CSMD1: variants seen among roughly 807,000 people sequenced by gnomAD.
The protein encoded by CSMD1 is CUB and Sushi multiple domains 1, also known as CUB and sushi domain-containing protein 1.
Under a neutral mutation model 417.5 loss-of-function variants are expected in CSMD1, and 213 were observed. That is an observed-to-expected ratio of 0.51 (90% CI 0.46 to 0.57). The LOEUF is 0.57. Among genes scored for constraint, CSMD1 ranks in the 20% least tolerant of loss-of-function variants. CSMD1 has a pLI of 0.00. For synonymous variants in CSMD1, 2,862 were observed against 1,736.8 expected (o/e 1.65, Z -16.11); for missense variants, 6,923 against 4,529.7 (o/e 1.53, Z -15.17).
intron 49 of CSMD1, among the ~76,000 whole-genome samples, chr8:3,062,797 A>G (rs1039985078): frequency 6.6e-6 from 1 of 152,226 alleles, no homozygotes; most frequent in Non-Finnish European, 1.5e-5. Flanking sequence ...TGGCAAATAA[A>G]GCCTCTAGAA....
At position 4,608,407 on chromosome 8, in the gene CSMD1, T is replaced by G. The variant is rs768442048; in HGVS notation, c.302+28935A>C. Among the ~76,000 whole-genome samples the G allele has an allele frequency of 5.6e-4, 85 of 152,170 alleles. 1 individual carries two copies. The highest frequency in any genetic ancestry group is 1.2e-3 in the Non-Finnish European group (80 of 68,032). ...GAGGGCTCGACAAAAGGATGCTTTC[T>G]CAATCTATCTTGAAAGTGGACTTGA... is the stretch of plus-strand genomic sequence containing the variant. On this transcript the variant is annotated intron_variant, in intron 2 of 69. Transcript: ENST00000635120.
At chr8:3,756,740 T>C (rs114609901) in intron 5 of CSMD1, among the ~76,000 whole-genome samples, 2 of 152,298 alleles carry the variant, frequency 1.3e-5, no homozygotes, top group Admixed American at 6.5e-5. Context: ...GCTTTGAACA[T>C]ATATATTTTC....
At position 4,892,783 on chromosome 8, in the gene CSMD1, G is replaced by C. The variant is rs1056067180; in HGVS notation, c.85+101549C>G. On this transcript the variant is annotated intron_variant, in intron 1 of 69. Transcript: ENST00000635120. Reference sequence around the variant, plus strand: ...CTTTGTATTATATAATAATAATAGGGTATAAATCTACCTTGTAGATGGGAA... The same window carrying C: ...CTTTGTATTATATAATAATAATAGGCTATAAATCTACCTTGTAGATGGGAA... Among the ~76,000 whole-genome samples the C allele has an allele frequency of 3.3e-5, 5 of 151,940 alleles. 1 individual carries two copies. Among genetic ancestry groups the C allele is most frequent in the Non-Finnish European group, 7.4e-5 (5 of 68,006 alleles).
At chr8:3,246,658 G>C (rs1585782245) in intron 26 of CSMD1, among the ~76,000 whole-genome samples, 1 of 152,288 alleles carries the variant, frequency 6.6e-6, no homozygotes, top group African/African-American at 2.4e-5. Flanking sequence ...TTTTGAAAGA[G>C]ACGGGGTTTT....
chr8:3,749,940 G>C (rs1426649077), intron 6 of CSMD1, among the ~76,000 whole-genome samples: 1 of 152,098 alleles, frequency 6.6e-6, no homozygotes, highest in East Asian at 1.9e-4. Context: ...ACGCATGCCT[G>C]AAATGTTTCT....
At chr8:4,160,518 G>C (rs1002094148) in intron 3 of CSMD1, among the ~76,000 whole-genome samples, 1 of 152,210 alleles carries the variant, frequency 6.6e-6, no homozygotes, top group African/African-American at 2.4e-5. Flanking sequence ...CAATCATTAT[G>C]CTTAAGCAAG....
intron 3 of CSMD1, among the ~76,000 whole-genome samples, chr8:4,283,302 T>G (rs1242448683): frequency 1.3e-5 from 2 of 152,224 alleles, no homozygotes; most frequent in Non-Finnish European, 2.9e-5. Flanking sequence ...TTGATTTTGT[T>G]TATTGATTTG....
At chr8:3,682,325 G>C (rs551751951) in intron 7 of CSMD1, among the ~76,000 whole-genome samples, 37 of 152,146 alleles carry the variant, frequency 2.4e-4, no homozygotes, top group African/African-American at 8.0e-4. Flanking sequence ...AATTTACAAA[G>C]AACCCAAACA....
chr8:4,748,334 G>A (rs1053198198), intron 1 of CSMD1, among the ~76,000 whole-genome samples: 2 of 152,230 alleles, frequency 1.3e-5, no homozygotes, highest in Non-Finnish European at 2.9e-5. Flanking sequence ...TTGGAAATGT[G>A]TGCATATGGA....
chr8:3,689,143 G>C (rs1800100420), intron 7 of CSMD1, among the ~76,000 whole-genome samples: 1 of 152,166 alleles, frequency 6.6e-6, no homozygotes, highest in South Asian at 2.1e-4. Context: ...GGTTTAAGTT[G>C]TGAGACAACG....
At chr8:3,928,264 A>C (rs1019254625) in intron 5 of CSMD1, among the ~76,000 whole-genome samples, 12 of 152,256 alleles carry the variant, frequency 7.9e-5, no homozygotes, top group African/African-American at 2.9e-4. Flanking sequence ...ATAATTACAT[A>C]TGCTGTGATA....
chr8:4,653,491 C>G (rs1032382454), intron 1 of CSMD1, among the ~76,000 whole-genome samples: 2 of 152,230 alleles, frequency 1.3e-5, no homozygotes, highest in East Asian at 3.9e-4. Context: ...AAAGGAAAGA[C>G]TTACAGACAC....
intron 5 of CSMD1, among the ~76,000 whole-genome samples, chr8:3,790,641 G>C (rs1295999958): frequency 6.6e-6 from 1 of 152,144 alleles, no homozygotes; most frequent in Non-Finnish European, 1.5e-5. Context: ...AACACAAAGA[G>C]ATAATAGCTG....
In CSMD1 at chr8:4,589,008, G is replaced by A. The variant is rs534624902; in HGVS notation, c.302+48334C>T. On this transcript the variant is annotated intron_variant, in intron 2 of 69. Coordinates refer to ENST00000635120, the MANE Select transcript of CSMD1 (RefSeq NM_033225.6). Reference sequence around the variant, plus strand: ...AATATACATTATATAAACACGTTATGTATACATTATACAACGTGTACTACA... The same window carrying A: ...AATATACATTATATAAACACGTTATATATACATTATACAACGTGTACTACA... Among the ~76,000 whole-genome samples the A allele has an allele frequency of 2.0e-5, 3 of 152,124 alleles. 1 individual carries two copies. Among genetic ancestry groups the A allele is most frequent in the African/African-American group, 7.2e-5 (3 of 41,490 alleles).
chr8:4,097,299 G>C (rs6990225), intron 3 of CSMD1, among the ~76,000 whole-genome samples: 1 of 151,980 alleles, frequency 6.6e-6, no homozygotes, highest in Admixed American at 6.6e-5. Context: ...TATAAAATGG[G>C]TGATACTGAA....
chr8:4,839,777 T>A lies in CSMD1; in HGVS notation c.85+154555A>T, dbSNP rs193075520. On this transcript the variant is annotated intron_variant, in intron 1 of 69. Coordinates refer to ENST00000635120, the MANE Select transcript of CSMD1 (RefSeq NM_033225.6). ...TTTAAAAACCTTCCACAGAAAAGCA[T>A]AAACAACAGATTTAGACCTTTTGAA... Among the ~76,000 whole-genome samples the A allele has an allele frequency of 5.3e-5, 8 of 152,276 alleles. No individual in the cohort carries two copies. In the East Asian group the frequency reaches 1.5e-3, roughly 29 times the overall value.
intron 3 of CSMD1, among the ~76,000 whole-genome samples, chr8:4,363,853 C>T (rs1052255379): frequency 6.6e-6 from 1 of 151,994 alleles, no homozygotes; most frequent in Non-Finnish European, 1.5e-5. Context: ...AAAATCAAAA[C>T]AATAGAACTC....
intron 2 of CSMD1, among the ~76,000 whole-genome samples, chr8:4,523,704 C>T (rs1803615751): frequency 6.6e-6 from 1 of 152,186 alleles, no homozygotes; most frequent in African/African-American, 2.4e-5. Context: ...GATCTGCTGA[C>T]ACCTCCTGTT....
chr8:4,238,717 A>G (rs1802214061), intron 3 of CSMD1, among the ~76,000 whole-genome samples: 1 of 152,168 alleles, frequency 6.6e-6, no homozygotes, highest in African/African-American at 2.4e-5. Context: ...GGGGCAGGTC[A>G]ATATTATCCT....
Sources: gnomAD v4.1 joint callset for allele counts (sites outside exome capture counted in the v4.1 genomes callset) on GRCh38, gnomAD v4.1.1 for gene constraint, MANE v1.5 for transcripts, NCBI Gene and HGNC (gene_info 2026-07-23, HGNC 2026-07-21) for gene names.